The following NCAPD2 variants were observed in gnomAD, a reference collection of about 807,000 sequenced individuals.
NCAPD2 encodes the protein condensin complex subunit 1.
In NCAPD2, 100 loss-of-function variants were observed where a neutral mutation model predicts 164.5. The ratio of observed to expected loss-of-function variants is 0.61; its 90% CI spans 0.52 to 0.72. The LOEUF is 0.72. NCAPD2 is among the 30% of genes least tolerant of loss of function. NCAPD2 has a pLI of 0.00. For missense variants in NCAPD2, 1,560 were observed against 1,749.2 expected (o/e 0.89, Z 1.93); for synonymous variants, 585 against 642.6 (o/e 0.91, Z 1.36).
chr12:6,530,004 C>A, intron 29 of NCAPD2, 46 bp downstream of exon 29: 1 of 1,565,778 alleles, frequency 6.4e-7, no homozygotes, highest in South Asian at 1.2e-5. Flanking sequence ...TCTGGGCTGG[C>A]TAAGACATCT....
intron 2 of NCAPD2, among the ~76,000 whole-genome samples, chr12:6,506,451 A>G (rs1022369425): frequency 2.0e-5 from 3 of 152,052 alleles, no homozygotes; most frequent in Non-Finnish European, 2.9e-5. Flanking sequence ...TTAGCCGGGC[A>G]TGGTGGCGGG....
In NCAPD2 at chr12:6,528,865, C is replaced by T. The variant is rs768571251; in HGVS notation, c.3477+9C>T. On this transcript the variant is annotated intron_variant, in intron 26 of 31. Coordinates refer to ENST00000315579, the MANE Select transcript of NCAPD2 (RefSeq NM_014865.4). The surrounding 1 kb of genome is among the most constrained non-coding windows in gnomAD (Gnocchi z 5.1). ...ATGAGCTCTCCCACAAGGTGAGAGG[C>T]AGAGAGGCACTGAGGGCTGGCTGCA... The T allele has an allele frequency of 1.2e-6, 2 of 1,612,778 alleles. No individual in the cohort carries two copies. Among genetic ancestry groups the T allele is most frequent in the Admixed American group, 1.7e-5 (1 of 59,986 alleles).
At chr12:6,521,762 T>C (rs773171971) in intron 14 of NCAPD2, 36 bp from the exon 15 acceptor site, 16 of 1,606,722 alleles carry the variant, frequency 1.0e-5, no homozygotes, top group Non-Finnish European at 1.4e-5. Flanking sequence ...TGTATCCCCT[T>C]GAACGAAACC....
intron 2 of NCAPD2, 68 bp from the exon 3 acceptor site, chr12:6,509,649 C>T (rs775082026): frequency 3.6e-6 from 5 of 1,397,836 alleles, no homozygotes; most frequent in Non-Finnish European, 5.1e-6. Flanking sequence ...TAGTTTTCTG[C>T]CATGGATAGA....
intron 13 of NCAPD2, among the ~76,000 whole-genome samples, chr12:6,518,513 T>TTTTTTTGTTTTTTTTG (rs1592173025): frequency 9.5e-6 from 1 of 105,296 alleles, no homozygotes; most frequent in African/African-American, 4.0e-5. Flanking sequence ...AGTTTTTTTT[T>TTTTTTTGTTTTTTTTG]TTTTTTTTTT....
chr12:6,523,950 C>A (rs1411381878), intron 17 of NCAPD2, among the ~76,000 whole-genome samples: 3 of 152,186 alleles, frequency 2.0e-5, no homozygotes, highest in Admixed American at 1.3e-4. Context: ...CAGGCACTCA[C>A]ACGTTACTCA....
chr12:6,518,523 T>TTTTTTTTTTTTTTTTTTTTTTTTTTTTA (rs1946232350), intron 13 of NCAPD2, among the ~76,000 whole-genome samples: 1 of 120,684 alleles, frequency 8.3e-6, no homozygotes, highest in African/African-American at 3.3e-5. Context: ...TTTTTTTTTT[T>TTTTTTTTTTTTTTTTTTTTTTTTTTTTA]TTTTTTTTTT....
chr12:6,507,725 TAAAG>T (rs1024714544), intron 2 of NCAPD2, among the ~76,000 whole-genome samples: 1 of 151,312 alleles, frequency 6.6e-6, no homozygotes, highest in African/African-American at 2.4e-5. Flanking sequence ...AGAAAGAAAA[TAAAG>T]AAATAGTAAT....
Position 6,522,917 on chromosome 12 carries a change from A to T in NCAPD2, c.2044A>T (p.Ile682Phe), listed in dbSNP as rs2137056813. Reference protein sequence around the residue: ...LFGVRRMLPLIWSKEPGVREA... With the variant: ...LFGVRRMLPLFWSKEPGVREA... ...TGGGGTGCGCCGTATGCTGCCTCTC[A>T]TCTGGTCTAAGGAGCCTGGTGTCCG... Residue 682 changes from isoleucine to phenylalanine, a missense_variant, in exon 16 of 32, where the codon ATC becomes TTC. Ile to Phe is a conservative substitution (Grantham distance 21). Coordinates refer to ENST00000315579, the MANE Select transcript of NCAPD2 (RefSeq NM_014865.4). The T allele has an allele frequency of 6.8e-6, 11 of 1,614,090 alleles. No individual in the cohort carries two copies. Among genetic ancestry groups the T allele is most frequent in the Non-Finnish European group, 8.5e-6 (10 of 1,180,004 alleles).
chr12:6,510,324 T>TA (rs1225069999), intron 4 of NCAPD2, 191 bp downstream of exon 4: 1 of 799,174 alleles, frequency 1.3e-6, no homozygotes, highest in Non-Finnish European at 2.2e-6. Context: ...GATACAGAGT[T>TA]ATGTGTGTTC....
At position 6,531,280 on chromosome 12, in the gene NCAPD2, C is replaced by T; in HGVS notation, c.4121-47C>T. On this transcript the variant is annotated intron_variant, in intron 31 of 31. Coordinates refer to ENST00000315579, the MANE Select transcript of NCAPD2 (RefSeq NM_014865.4). The surrounding 1 kb of genome is among the most constrained non-coding windows in gnomAD (Gnocchi z 4.1). Reference sequence around the variant, plus strand: ...TGTTCTCTGATATCTATTTTTTCACCATCTTTGTGACTCAGCTTTTTCTTA... The same window carrying T: ...TGTTCTCTGATATCTATTTTTTCACTATCTTTGTGACTCAGCTTTTTCTTA... 2 of 1,572,710 alleles carry T rather than the reference C, an allele frequency of 1.3e-6. No individual in the cohort carries two copies. Among genetic ancestry groups the T allele is most frequent in the Non-Finnish European group, 1.7e-6 (2 of 1,148,388 alleles).
chr12:6,510,198 G>A (rs1461665095), intron 4 of NCAPD2, 65 bp downstream of exon 4: 1 of 1,495,058 alleles, frequency 6.7e-7, no homozygotes, highest in East Asian at 2.3e-5. Flanking sequence ...TTGTCTGTTT[G>A]TTTGTTTTTC....
At chr12:6,501,903 A>G (rs764517853) in intron 2 of NCAPD2, among the ~76,000 whole-genome samples, 5 of 152,250 alleles carry the variant, frequency 3.3e-5, no homozygotes, top group Non-Finnish European at 5.9e-5. Flanking sequence ...TTGATGTCAT[A>G]GTCACTGGTA....
intron 29 of NCAPD2, 102 bp from the exon 30 acceptor site, chr12:6,530,589 G>A: frequency 2.0e-6 from 3 of 1,473,994 alleles, no homozygotes; most frequent in Non-Finnish European, 2.8e-6. Flanking sequence ...TGGCTTCTTA[G>A]TAATGTGCGT....
chr12:6,525,538 G>A (rs1269420618), intron 17 of NCAPD2, 45 bp from the exon 18 acceptor site: 1 of 1,574,586 alleles, frequency 6.4e-7, no homozygotes, highest in East Asian at 2.3e-5. Flanking sequence ...CAAAGATCAA[G>A]GAATTGTTCA....
Position 6,525,431 on chromosome 12 carries a change from C to T in NCAPD2, c.2215-152C>T, listed in dbSNP as rs985638555. On this transcript the variant is annotated intron_variant, in intron 17 of 31. Transcript: ENST00000315579. ...TAGAGAATGGAAAGCCTCTCAAGAC[C>T]CTGCTGTACATTTTGAACCTCCTCT... 4.6e-4 allele frequency: 371 copies of T among 809,022 alleles called. 3 individuals are homozygous for T. Among genetic ancestry groups the T allele is most frequent in the Admixed American group, 1.6e-3 (55 of 34,868 alleles). The allele number at this position is 809,022 out of a possible 1,614,324, so 50.1% of individuals were successfully genotyped here.
At chr12:6,517,333 TGA>T (rs1224261255) in intron 10 of NCAPD2, 30 bp from the exon 11 acceptor site, 1 of 1,607,246 alleles carries the variant, frequency 6.2e-7, no homozygotes, top group Non-Finnish European at 8.5e-7. Context: ...ATGTGGGACT[TGA>T]GCAGATTCTT....
intron 9 of NCAPD2, among the ~76,000 whole-genome samples, chr12:6,515,658 T>C (rs1034507324): frequency 2.0e-5 from 3 of 152,206 alleles, no homozygotes; most frequent in African/African-American, 7.2e-5. Context: ...TGGGCACTCC[T>C]AGGTGAATGT....
chr12:6,518,504 GTTTTTTTTTTTTTTTTTT>G (rs56183938), intron 13 of NCAPD2, among the ~76,000 whole-genome samples: 1 of 44,780 alleles, frequency 2.2e-5, no homozygotes. Context: ...CCGTCAACAA[GTTTTTTTTTTTTTTTTTT>G]TTTTTTTTTT....
Sources: allele counts gnomAD v4.1 joint callset (sites outside exome capture counted in the v4.1 genomes callset), GRCh38; gene constraint gnomAD v4.1.1; non-coding constraint Gnocchi (gnomAD v3.1); transcripts MANE v1.5; gene names NCBI Gene and HGNC (gene_info 2026-07-23, HGNC 2026-07-21).